AP3D1: variants seen among roughly 807,000 people sequenced by gnomAD.
AP3D1 encodes AP-3 complex subunit delta-1.
Under a neutral mutation model 147.6 loss-of-function variants are expected in AP3D1, and 51 were observed. That is an observed-to-expected ratio of 0.35 (90% CI 0.28 to 0.44). The LOEUF (loss-of-function observed/expected upper bound fraction) is 0.44, where lower values mean the gene tolerates loss of function less well. Ranked by LOEUF, AP3D1 falls within the 20% of genes least tolerant of loss-of-function variation. The probability of loss-of-function intolerance (pLI) is 1.00; values close to 1 mark genes in which losing one functional copy is unlikely to be tolerated. For missense variants in AP3D1, 1,421 were observed against 1,624.2 expected (o/e 0.87, Z 2.15); for synonymous variants, 760 against 663.0 (o/e 1.15, Z -2.25).
At position 2,115,592 on chromosome 19, in the gene AP3D1, C is replaced by A; in HGVS notation, c.2095G>T (p.Val699Leu). 6.2e-7 allele frequency: 1 copy of A among 1,612,956 alleles called. No homozygotes were observed. The highest frequency in any genetic ancestry group is 8.5e-7 in the Non-Finnish European group (1 of 1,179,700). Residue 699 changes from valine to leucine, a missense_variant, in exon 19 of 32, where the codon GTG becomes TTG. Coordinates refer to ENST00000643116, the MANE Select transcript of AP3D1 (RefSeq NM_001261826.3). The stretch of plus-strand genomic sequence containing the variant: ...ATCTGCACCACGGGAATGTGCTCCA[C>A]GCCCGGGGTGTCCTGGTACCGCTGC... Reference protein sequence around the residue: ...PQKRYQDTPGVEHIPVVQIDL... With the variant: ...PQKRYQDTPGLEHIPVVQIDL...
chr19:2,147,678 G>A (rs532172396), intron 1 of AP3D1, among the ~76,000 whole-genome samples: 3 of 151,714 alleles, frequency 2.0e-5, no homozygotes, highest in Non-Finnish European at 2.9e-5. Flanking sequence ...GGCAGATCAC[G>A]AGGTCAAGAG....
intron 27 of AP3D1, 47 bp from the exon 28 acceptor site, chr19:2,110,271 A>AG: frequency 6.5e-7 from 1 of 1,537,700 alleles, no homozygotes; most frequent in Non-Finnish European, 8.9e-7. Flanking sequence ...GCGGGGGCTC[A>AG]GCATGGGTGG....
intron 21 of AP3D1, 39 bp downstream of exon 21, chr19:2,114,709 T>G: frequency 7.4e-7 from 1 of 1,358,514 alleles, no homozygotes; most frequent in Non-Finnish European, 9.8e-7. Context: ...AGCAACCACA[T>G]GTGGCCTCCA....
intron 1 of AP3D1, among the ~76,000 whole-genome samples, chr19:2,157,866 A>G (rs2019661149): frequency 6.6e-6 from 1 of 152,222 alleles, no homozygotes; most frequent in South Asian, 2.1e-4. Context: ...GACAAATGGA[A>G]GAGCTTGCTC....
chr19:2,114,955 G>C (rs972701626), intron 20 of AP3D1, 134 bp from the exon 21 acceptor site: 5 of 1,006,580 alleles, frequency 5.0e-6, no homozygotes. Flanking sequence ...TCCACCAGAG[G>C]CTCCGCTCAG....
intron 1 of AP3D1, among the ~76,000 whole-genome samples, chr19:2,161,323 G>A (rs984625795): frequency 2.6e-5 from 4 of 151,780 alleles, no homozygotes; most frequent in African/African-American, 4.8e-5. Context: ...CACCATGCCT[G>A]GCTAATTTTT....
chr19:2,163,670 A>T (rs1056763070), intron 1 of AP3D1, among the ~76,000 whole-genome samples: 6 of 151,952 alleles, frequency 3.9e-5, no homozygotes, highest in Admixed American at 3.3e-4. Context: ...CGAACCCGCT[A>T]TCCGACGGGC....
chr19:2,110,190 G>A lies in AP3D1; in HGVS notation c.3210C>T (p.Ile1070=), dbSNP rs749666320. The part of the protein sequence containing the change: ...VSNEAQYVFT[I]QSIVMAQKLK... ...GCTTCTGCGCCATGACGATGCTCTGGATGGTGAACACATACTGGGCTTCGT... is the reference window on the plus strand; with the variant it reads ...GCTTCTGCGCCATGACGATGCTCTGAATGGTGAACACATACTGGGCTTCGT... Residue 1070 remains isoleucine (I), a synonymous_variant, in exon 28 of 32, where the codon ATC becomes ATT. Transcript: ENST00000643116. 68 of 1,612,684 alleles carry A rather than the reference G, an allele frequency of 4.2e-5. No individual in the cohort carries two copies. The highest frequency in any genetic ancestry group is 5.6e-5 in the Non-Finnish European group (66 of 1,180,002).
chr19:2,139,233 G>C (rs897482995), intron 1 of AP3D1, among the ~76,000 whole-genome samples: 1 of 152,104 alleles, frequency 6.6e-6, no homozygotes, highest in East Asian at 1.9e-4. Flanking sequence ...TTTCTAGGCT[G>C]ATAATGTTCT....
intron 31 of AP3D1, among the ~76,000 whole-genome samples, chr19:2,107,417 C>T (rs1024990993): frequency 6.6e-6 from 1 of 151,990 alleles, no homozygotes; most frequent in African/African-American, 2.4e-5. Context: ...TGGAACCAAA[C>T]CGGACATCAA....
intron 1 of AP3D1, among the ~76,000 whole-genome samples, chr19:2,142,807 G>A (rs1390246007): frequency 6.6e-6 from 1 of 151,684 alleles, no homozygotes; most frequent in Non-Finnish European, 1.5e-5. Context: ...TTGTTGCCCA[G>A]GCTGGAGTAC....
At position 2,121,267 on chromosome 19, in the gene AP3D1, G is replaced by C. The variant is rs930671555; in HGVS notation, c.1146C>G (p.Thr382=). Residue 382 remains threonine (T), a synonymous_variant, in exon 13 of 32, where the codon ACC becomes ACG. Coordinates refer to ENST00000643116, the MANE Select transcript of AP3D1 (RefSeq NM_001261826.3). ...TGGTACCCTCTGCCTTGTCTACGTG[G>C]GTCATCAGCTTCTTCACGATCTCCA... ...NLMEIVKKLM[T]HVDKAEGTTY... 34 of 1,614,052 alleles carry C rather than the reference G, an allele frequency of 2.1e-5. No homozygotes were observed. Among genetic ancestry groups the C allele is most frequent in the Non-Finnish European group, 2.7e-5 (32 of 1,180,028 alleles).
chr19:2,136,515 A>G (rs982845105), intron 4 of AP3D1, among the ~76,000 whole-genome samples: 1 of 152,166 alleles, frequency 6.6e-6, no homozygotes, highest in Non-Finnish European at 1.5e-5. Context: ...CTCGGGGCCA[A>G]TAAGGACCTT....
Position 2,151,278 on chromosome 19 carries a change from C to T in AP3D1, c.57G>A (p.Gln19=). 1 of 1,611,956 alleles carries T rather than the reference C, an allele frequency of 6.2e-7. No homozygotes were observed. Among genetic ancestry groups the T allele is most frequent in the Non-Finnish European group, 8.5e-7 (1 of 1,178,938 alleles). Residue 19 remains glutamine (Q), a synonymous_variant, in exon 1 of 32, where the codon CAG becomes CAA. Transcript: ENST00000643116. ...GGTTACGGATGCCGCGGACCAAGTCCTGCAGATTCTTGTCGAACATGCGGT... is the reference window on the plus strand; with the variant it reads ...GGTTACGGATGCCGCGGACCAAGTCTTGCAGATTCTTGTCGAACATGCGGT... ...SIDRMFDKNL[Q]DLVRGIRNHK... is the part of the protein sequence containing the mutation.
At chr19:2,104,273 C>A (rs112909110) in intron 31 of AP3D1, among the ~76,000 whole-genome samples, 3,105 of 123,618 alleles carry the variant, frequency 0.025, no homozygotes, top group Non-Finnish European at 0.034. Flanking sequence ...AACTCCAAGA[C>A]GCCAACACCC....
rs2018371966 is a variant in AP3D1, at chr19:2,114,214, C to T, written c.2512G>A (p.Glu838Lys). ...KSPEKDVPMV[E>K]KKSKKPKKKE... ...TTCTTGGGTTTCTTGCTCTTCTTTT[C>T]TACCATGGGAACGTCCTTCTCAGGG... Residue 838 changes from glutamate (E) to lysine (K), a missense_variant, in exon 22 of 32, where the codon GAA becomes AAA. This residue lies in a region of AP3D1 where 791 missense variants were observed against 761.4 expected (regional missense o/e 1.04). Transcript: ENST00000643116. 1 of 1,612,758 alleles carries T rather than the reference C, an allele frequency of 6.2e-7. No homozygotes were observed. Among genetic ancestry groups the T allele is most frequent in the Middle Eastern group, 1.7e-4 (1 of 6,058 alleles).
At chr19:2,116,304 C>A in intron 17 of AP3D1, 26 bp from the exon 18 acceptor site, 1 of 1,610,056 alleles carries the variant, frequency 6.2e-7, no homozygotes, top group Non-Finnish European at 8.5e-7. Flanking sequence ...TGGCATGAGC[C>A]CGAGAGAAGC....
chr19:2,121,119 G>A lies in AP3D1; in HGVS notation c.1251-27C>T, dbSNP rs373563740. ...TGTGGGGCAGAGGCGGTGAGTGAGC[G>A]GCGCCACGGAACCCCCGGCCACACC... On this transcript the variant is annotated intron_variant, in intron 13 of 31. Coordinates refer to ENST00000643116, the MANE Select transcript of AP3D1 (RefSeq NM_001261826.3). 54 of 1,613,600 alleles carry A rather than the reference G, an allele frequency of 3.3e-5. No homozygotes were observed. In the East Asian group the frequency reaches 4.2e-4, roughly 13 times the overall value.
intron 31 of AP3D1, among the ~76,000 whole-genome samples, chr19:2,105,184 G>A (rs931248646): frequency 4.6e-5 from 7 of 152,214 alleles, no homozygotes; most frequent in African/African-American, 1.4e-4. Context: ...ATCTGAATAC[G>A]GCCTCTGGGG....
Sources: allele counts gnomAD v4.1 joint callset (sites outside exome capture counted in the v4.1 genomes callset), GRCh38; gene constraint gnomAD v4.1.1; regional missense constraint gnomAD v4.1.1; transcripts MANE v1.5; gene names NCBI Gene and HGNC (gene_info 2026-07-23, HGNC 2026-07-21).